CCDC33: variants seen among roughly 807,000 people sequenced by gnomAD.
CCDC33 encodes the protein coiled-coil domain containing 33.
In CCDC33, 94 loss-of-function variants were observed where a neutral mutation model predicts 91.9. The observed-to-expected ratio is 1.02, with a 90% confidence interval of 0.87 to 1.21. The LOEUF (loss-of-function observed/expected upper bound fraction) is 1.21, where lower values mean the gene tolerates loss of function less well. Ranked by LOEUF, CCDC33 falls within the 50% of genes most tolerant of loss-of-function variation. The pLI, the probability that CCDC33 is intolerant of heterozygous loss-of-function variation, is 0.00. For missense variants in CCDC33, 940 were observed against 935.5 expected (o/e 1.00, Z -0.06); for synonymous variants, 396 against 374.5 (o/e 1.06, Z -0.66).
At chr15:74,326,407 G>A (rs577464676) in intron 11 of CCDC33, among the ~76,000 whole-genome samples, 24 of 152,366 alleles carry the variant, frequency 1.6e-4, no homozygotes, top group Admixed American at 8.5e-4. Context: ...GCCTGGGCTG[G>A]CACTGTTCAT....
At chr15:74,290,611 T>G (rs74023469) in intron 10 of CCDC33, among the ~76,000 whole-genome samples, 1,977 of 152,232 alleles carry the variant, frequency 0.013, 44 homozygotes, top group African/African-American at 0.045. Flanking sequence ...GGTTGGAAAT[T>G]GGCAAAGCAA....
At chr15:74,334,573 G>A (rs2060522547) in intron 17 of CCDC33, among the ~76,000 whole-genome samples, 1 of 152,004 alleles carries the variant, frequency 6.6e-6, no homozygotes, top group Non-Finnish European at 1.5e-5. Context: ...TGTGCAACCA[G>A]GGTCAGGGTT....
At chr15:74,264,339 G>A (rs2142385435) in intron 3 of CCDC33, among the ~76,000 whole-genome samples, 1 of 152,298 alleles carries the variant, frequency 6.6e-6, no homozygotes, top group African/African-American at 2.4e-5. Flanking sequence ...TAGCTTGTTG[G>A]CCACACAAAG....
intron 1 of CCDC33, among the ~76,000 whole-genome samples, chr15:74,241,199 G>C (rs1483326004): frequency 9.9e-5 from 15 of 152,164 alleles, no homozygotes; most frequent in Admixed American, 9.8e-4. Flanking sequence ...TCCTGGAAGA[G>C]GGTGGGGGTG....
intron 11 of CCDC33, among the ~76,000 whole-genome samples, chr15:74,310,112 G>A (rs955326043): frequency 1.3e-5 from 2 of 151,864 alleles, no homozygotes; most frequent in Non-Finnish European, 2.9e-5. Flanking sequence ...CCATGTGCCC[G>A]CCACTGCACT....
chr15:74,206,441 G>C (rs1047245841), intron 1 of CCDC33, among the ~76,000 whole-genome samples: 6 of 152,206 alleles, frequency 3.9e-5, no homozygotes, highest in African/African-American at 1.4e-4. Context: ...TGGGAAGACG[G>C]CAGGAGGCAA....
At chr15:74,332,996 C>T (rs566384902) in intron 16 of CCDC33, 151 bp downstream of exon 16, 624 of 930,594 alleles carry the variant, frequency 6.7e-4, no homozygotes, top group Non-Finnish European at 9.2e-4. Flanking sequence ...GCTCTCAGGC[C>T]TTGGTCTTTT....
chr15:74,268,595 A>T (rs1675360466), intron 5 of CCDC33, 137 bp downstream of exon 5: 1 of 632,582 alleles, frequency 1.6e-6, no homozygotes, highest in Admixed American at 2.6e-5. Flanking sequence ...TGGAAAAAGC[A>T]ACCAGGCCTT....
At chr15:74,241,809 G>A (rs1184239622) in intron 1 of CCDC33, among the ~76,000 whole-genome samples, 5 of 152,228 alleles carry the variant, frequency 3.3e-5, no homozygotes, top group Admixed American at 3.3e-4. Flanking sequence ...GACAGGATCT[G>A]CTGAAGAACT....
chr15:74,209,344 G>A lies in CCDC33; in HGVS notation n.90-44G>A, dbSNP rs2074332103. 3 of 1,529,974 alleles carry A rather than the reference G, an allele frequency of 2.0e-6. No homozygotes were observed. The South Asian group carries it at 3.6e-5, about 18-fold the overall frequency. The allele number at this position is 1,529,974 out of a possible 1,614,324, so 94.8% of individuals were successfully genotyped here. A position where few individuals can be genotyped will look rare whatever the true frequency, so the allele number is the denominator to read the frequency against. On this transcript the variant is annotated intron_variant and non_coding_transcript_variant, in intron 1 of 3. Transcript: ENST00000558645. ...CAGATGTGGCCTTAGAGAAGCTGAG[G>A]AACCCCCTACTTACCTCCATTTGTC...
intron 11 of CCDC33, among the ~76,000 whole-genome samples, chr15:74,308,354 G>GACACACACACACACACAC (rs5813758): frequency 0.021 from 2,912 of 141,922 alleles, 94 homozygotes; most frequent in African/African-American, 0.066. Flanking sequence ...TGTGCAGACA[G>GACACACACACACACACAC]ACAGACACAC....
chr15:74,318,598 G>C, intron 11 of CCDC33: 1 of 735,968 alleles, frequency 1.4e-6, no homozygotes, highest in Non-Finnish European at 2.5e-6. Flanking sequence ...AGATGGGGGA[G>C]CCAGGGCCCC....
rs914891870 is a variant in CCDC33, at chr15:74,218,588, G to A, written c.402G>A (p.Val134=). 7 of 1,289,720 alleles carry A rather than the reference G, an allele frequency of 5.4e-6. No individual in the cohort carries two copies. In the African/African-American group the frequency reaches 1.1e-4, roughly 20 times the overall value. 79.9% of individuals were successfully genotyped at this position (1,289,720 alleles called of 1,614,324 possible). Residue 134 remains valine, a synonymous_variant, in exon 2 of 3, where the codon GTG becomes GTA. Coordinates refer to the CCDC33 transcript ENST00000635913. This position sits in a 1 kb window ranked among gnomAD's most constrained non-coding sequence, Gnocchi z 4.8. Reference sequence around the variant, plus strand: ...CCTTGGGACGGGCAGCCCAGCGGGTGGGTGAGGCCATCTTCCCCATCTACC... The same window carrying A: ...CCTTGGGACGGGCAGCCCAGCGGGTAGGTGAGGCCATCTTCCCCATCTACC...
At position 74,316,452 on chromosome 15, in the gene CCDC33, G is replaced by A. The variant is rs2060090066; in HGVS notation, c.1291-13737G>A. Among the ~76,000 whole-genome samples, 1 of 152,232 alleles carries A rather than the reference G, an allele frequency of 6.6e-6. No homozygotes were observed. Among genetic ancestry groups the A allele is most frequent in the Non-Finnish European group, 1.5e-5 (1 of 68,032 alleles). ...AAAAATTCATGGCACGCCCGAGGAT[G>A]GGAGCAGACTCAATCGATTGGCGCA... On this transcript the variant is annotated intron_variant, in intron 11 of 18. Coordinates refer to ENST00000398814, the MANE Select transcript of CCDC33 (RefSeq NM_025055.5). The surrounding 1 kb of genome is among the most constrained non-coding windows in gnomAD (Gnocchi z 4.7).
chr15:74,275,342 C>G (rs970492076), intron 7 of CCDC33, among the ~76,000 whole-genome samples: 1 of 152,168 alleles, frequency 6.6e-6, no homozygotes, highest in African/African-American at 2.4e-5. Flanking sequence ...GCCCAGGGTC[C>G]AAGGTAAATG....
chr15:74,306,919 C>CCTCCCCTCCTGGGCCTCCGT (rs1221206552), intron 11 of CCDC33, among the ~76,000 whole-genome samples: 1 of 152,116 alleles, frequency 6.6e-6, no homozygotes, highest in Non-Finnish European at 1.5e-5. Flanking sequence ...CTGACTGACC[C>CCTCCCCTCCTGGGCCTCCGT]CTCCCCTCCT....
intron 1 of CCDC33, among the ~76,000 whole-genome samples, chr15:74,237,684 T>G (rs79869478): frequency 0.026 from 3,999 of 152,156 alleles, 177 homozygotes; most frequent in African/African-American, 0.091. Flanking sequence ...TCAGAACCGG[T>G]CACCAGGTTG....
In CCDC33 at chr15:74,222,422, C is replaced by A. The variant is rs1227952591; in HGVS notation, c.675+3561C>A. ...GAGGGGTGCACTGCTCCTCCCTCCC[C>A]CAGCATTTACCTCTTCCCAACAATC... On this transcript the variant is annotated intron_variant, in intron 2 of 2. Coordinates refer to the CCDC33 transcript ENST00000635913. Among the ~76,000 whole-genome samples the A allele has an allele frequency of 2.6e-5, 4 of 152,270 alleles. No individual in the cohort carries two copies. In the South Asian group the frequency reaches 6.2e-4, roughly 24 times the overall value.
In CCDC33 at chr15:74,333,954, C is replaced by T. The variant is rs377746106; in HGVS notation, c.2012C>T (p.Ser671Phe). Residue 671 changes from serine to phenylalanine, a missense_variant, in exon 17 of 19, where the codon TCC becomes TTC. Coordinates refer to ENST00000398814, the MANE Select transcript of CCDC33 (RefSeq NM_025055.5). ...KLEHAQSRIL[S>F]LESQLEDSAR... is the part of the protein sequence containing the mutation. ...GAACACGCTCAGAGCCGGATCCTGTCCCTGGAAAGCCAGGTGGGTGAGATG... is the reference window on the plus strand; with the variant it reads ...GAACACGCTCAGAGCCGGATCCTGTTCCTGGAAAGCCAGGTGGGTGAGATG... 14 of 1,613,380 alleles carry T rather than the reference C, an allele frequency of 8.7e-6. No homozygotes were observed. The highest frequency in any genetic ancestry group is 1.6e-4 in the Middle Eastern group (1 of 6,080).
Sources: gnomAD v4.1 joint callset for allele counts (sites outside exome capture counted in the v4.1 genomes callset) on GRCh38, gnomAD v4.1.1 for gene constraint, Gnocchi (gnomAD v3.1) non-coding constraint, MANE v1.5 for transcripts, NCBI Gene and HGNC (gene_info 2026-07-23, HGNC 2026-07-21) for gene names.